ANKRD17: variants seen among roughly 807,000 people sequenced by gnomAD.
ANKRD17 encodes the protein ankyrin repeat domain 17.
A neutral mutation model predicts 229.7 loss-of-function variants in ANKRD17; 19 were observed. The observed-to-expected ratio is 0.08, with a 90% confidence interval of 0.06 to 0.12. The LOEUF is 0.12. Among genes scored for constraint, ANKRD17 ranks in the 10% least tolerant of loss-of-function variants. The probability of loss-of-function intolerance (pLI) is 1.00; values close to 1 mark genes in which losing one functional copy is unlikely to be tolerated. For synonymous variants in ANKRD17, 1,112 were observed against 1,146.1 expected (o/e 0.97, Z 0.60); for missense variants, 2,176 against 3,176.8 (o/e 0.68, Z 7.57).
intron 1 of ANKRD17, among the ~76,000 whole-genome samples, chr4:73,215,870 G>C (rs989754503): frequency 6.6e-6 from 1 of 152,142 alleles, no homozygotes; most frequent in African/African-American, 2.4e-5. Context: ...TTTCTTTAGA[G>C]ACTTCGACCA....
chr4:73,092,660 CCA>C (rs1288187809), intron 28 of ANKRD17, among the ~76,000 whole-genome samples: 26 of 152,116 alleles, frequency 1.7e-4, no homozygotes, highest in African/African-American at 6.3e-4. Context: ...CCTATGTAAT[CCA>C]CAATGTTATT....
At chr4:73,141,867 CTA>C in intron 13 of ANKRD17, 24 bp from the exon 14 acceptor site, 13 of 1,567,244 alleles carry the variant, frequency 8.3e-6, no homozygotes, top group Non-Finnish European at 1.1e-5. Context: ...CACTAAGTGA[CTA>C]TTAGTGTCCT....
At chr4:73,136,005 A>C (rs1728848674) in intron 15 of ANKRD17, among the ~76,000 whole-genome samples, 1 of 152,180 alleles carries the variant, frequency 6.6e-6, no homozygotes, top group African/African-American at 2.4e-5. Flanking sequence ...ATGGATTACT[A>C]TTATTCTAAG....
rs537709679 is a variant in ANKRD17, at chr4:73,086,545, G to A, written c.6962-1099C>T. 1.7e-3 allele frequency among the ~76,000 whole-genome samples: 254 copies of A among 150,918 alleles called. 2 individuals carry two copies. Among genetic ancestry groups the A allele is most frequent in the African/African-American group, 4.9e-3 (203 of 41,152 alleles). ...GTAACCTATCTGATTTTAGTCTAAC[G>A]GGTTAAAAATACAGAAAAAAAAGAA... On this transcript the variant is annotated intron_variant, in intron 29 of 33. Transcript: ENST00000358602.
intron 1 of ANKRD17, among the ~76,000 whole-genome samples, chr4:73,185,309 TG>T (rs1401430514): frequency 6.6e-6 from 1 of 151,836 alleles, no homozygotes; most frequent in African/African-American, 2.4e-5. Context: ...TATTTATTAT[TG>T]TTTTTGTTGT....
At chr4:73,255,315 C>A (rs1019516429) in intron 1 of ANKRD17, among the ~76,000 whole-genome samples, 1 of 152,166 alleles carries the variant, frequency 6.6e-6, no homozygotes. Flanking sequence ...GATAGCATTT[C>A]TTTATAGCAA....
intron 7 of ANKRD17, 69 bp from the exon 8 acceptor site, chr4:73,149,119 C>T: frequency 7.9e-7 from 1 of 1,261,132 alleles, no homozygotes; most frequent in Non-Finnish European, 1.1e-6. Flanking sequence ...TTGAAGACTT[C>T]TCAATTACTA....
At chr4:73,169,536 GC>G (rs946785953) in intron 2 of ANKRD17, among the ~76,000 whole-genome samples, 1 of 151,960 alleles carries the variant, frequency 6.6e-6, no homozygotes, top group African/African-American at 2.4e-5. Context: ...TGAAAAGGGG[GC>G]TCTAGTGATC....
At chr4:73,214,364 C>T (rs1385291897) in intron 1 of ANKRD17, among the ~76,000 whole-genome samples, 1 of 152,132 alleles carries the variant, frequency 6.6e-6, no homozygotes, top group South Asian at 2.1e-4. Context: ...AACTTGTAAA[C>T]TGGGCAATAT....
At chr4:73,244,946 G>T (rs1050350840) in intron 1 of ANKRD17, among the ~76,000 whole-genome samples, 3 of 152,112 alleles carry the variant, frequency 2.0e-5, no homozygotes, top group Non-Finnish European at 4.4e-5. Flanking sequence ...GAAATATGGT[G>T]TGTTGGCTAT....
chr4:73,183,904 T>A (rs1735919613), intron 1 of ANKRD17, among the ~76,000 whole-genome samples: 1 of 152,228 alleles, frequency 6.6e-6, no homozygotes, highest in African/African-American at 2.4e-5. Context: ...ACAGTAATAT[T>A]ACTTAGATTT....
intron 19 of ANKRD17, 42 bp from the exon 20 acceptor site, chr4:73,121,136 A>T (rs1364482289): frequency 4.0e-6 from 6 of 1,503,620 alleles, no homozygotes; most frequent in Non-Finnish European, 5.5e-6. Flanking sequence ...AAAAATATAT[A>T]TTTTAAATGA....
chr4:73,094,128 C>T lies in ANKRD17; in HGVS notation c.5278G>A (p.Asp1760Asn). Reference sequence around the variant, plus strand: ...GTCTTGTCTTTCTGTTTATCAATATCTATGTGTGCACCAGTAAACTCCCGA... The same window carrying T: ...GTCTTGTCTTTCTGTTTATCAATATTTATGTGTGCACCAGTAAACTCCCGA... ...AIREFTGAHI[D>N]IDKQKDKTGD... Residue 1760 changes from aspartate (D) to asparagine (N), a missense_variant, in exon 28 of 34, where the codon GAT becomes AAT. Asp to Asn is a conservative substitution (Grantham distance 23). Coordinates refer to ENST00000358602, the MANE Select transcript of ANKRD17 (RefSeq NM_032217.5). 6.2e-7 allele frequency: 1 copy of T among 1,613,780 alleles called. No homozygotes were observed. The highest frequency in any genetic ancestry group is 8.5e-7 in the Non-Finnish European group (1 of 1,179,818).
chr4:73,193,711 T>A (rs920928409), intron 1 of ANKRD17, among the ~76,000 whole-genome samples: 1 of 152,138 alleles, frequency 6.6e-6, no homozygotes, highest in African/African-American at 2.4e-5. Context: ...GGTGGGCTGA[T>A]TGCTTGAGCC....
At chr4:73,093,813 AAC>A (rs1161809867) in intron 28 of ANKRD17, among the ~76,000 whole-genome samples, 1 of 152,220 alleles carries the variant, frequency 6.6e-6, no homozygotes, top group Non-Finnish European at 1.5e-5. Context: ...ATGTCATATA[AAC>A]AGTTTATGTA....
intron 33 of ANKRD17, among the ~76,000 whole-genome samples, chr4:73,076,726 C>A (rs1721037169): frequency 6.6e-6 from 1 of 152,070 alleles, no homozygotes; most frequent in Admixed American, 6.6e-5. Context: ...TATCTGCTAC[C>A]CAGTAGAATA....
chr4:73,191,341 A>ACGTGTG (rs1553933230), intron 1 of ANKRD17, among the ~76,000 whole-genome samples: 1 of 125,244 alleles, frequency 8.0e-6, no homozygotes. Context: ...AAAAATATAT[A>ACGTGTG]TGTGTGTGTG....
At chr4:73,146,503 A>T (rs1180781642) in intron 10 of ANKRD17, among the ~76,000 whole-genome samples, 1 of 152,154 alleles carries the variant, frequency 6.6e-6, no homozygotes, top group Non-Finnish European at 1.5e-5. Flanking sequence ...AGGGAAAACC[A>T]GTCTGCATTA....
At chr4:73,103,355 A>G (rs981705448) in intron 24 of ANKRD17, among the ~76,000 whole-genome samples, 1 of 152,172 alleles carries the variant, frequency 6.6e-6, no homozygotes, top group Non-Finnish European at 1.5e-5. Flanking sequence ...AGGGTGGAAC[A>G]GGAGGAGGGA....
Sources: gnomAD v4.1 joint callset for allele counts (sites outside exome capture counted in the v4.1 genomes callset) on GRCh38, gnomAD v4.1.1 for gene constraint, MANE v1.5 for transcripts, NCBI Gene and HGNC (gene_info 2026-07-23, HGNC 2026-07-21) for gene names.